Variants in SCFD2 observed in about 807,000 individuals in gnomAD.
The protein encoded by SCFD2 is sec1 family domain containing 2.
In SCFD2, 54 loss-of-function variants were observed where a neutral mutation model predicts 58.9. That is an observed-to-expected ratio of 0.92 (90% CI 0.74 to 1.15). SCFD2 has a LOEUF of 1.15. Among genes scored for constraint, SCFD2 ranks in the 50% most tolerant of loss-of-function variants. The pLI, the probability that SCFD2 is intolerant of heterozygous loss-of-function variation, is 0.00. For missense variants in SCFD2, 805 were observed against 836.6 expected, an observed-to-expected ratio of 0.96 and a Z score of 0.47; for synonymous variants, 321 against 335.9, an observed-to-expected ratio of 0.96 and a Z score of 0.49.
At chr4:53,133,448 A>T (rs903231800) in intron 5 of SCFD2, among the ~76,000 whole-genome samples, 14 of 152,176 alleles carry the variant, frequency 9.2e-5, no homozygotes, top group Non-Finnish European at 1.9e-4. Context: ...GCTTTGTTTG[A>T]AAGACATAAC....
intron 5 of SCFD2, among the ~76,000 whole-genome samples, chr4:53,056,547 A>G (rs1244400768): frequency 6.6e-6 from 1 of 152,010 alleles, no homozygotes; most frequent in Non-Finnish European, 1.5e-5. Context: ...TTTTCCAAGT[A>G]TTGTTCAATC....
At chr4:53,357,380 G>A (rs1284017970) in intron 1 of SCFD2, among the ~76,000 whole-genome samples, 2 of 151,858 alleles carry the variant, frequency 1.3e-5, no homozygotes, top group African/African-American at 4.8e-5. Context: ...AGTGAGCTGA[G>A]ATTGAGCCAC....
At chr4:53,038,694 G>GTT (rs879685463) in intron 5 of SCFD2, among the ~76,000 whole-genome samples, 5 of 140,330 alleles carry the variant, frequency 3.6e-5, no homozygotes, top group Admixed American at 7.2e-5. Flanking sequence ...AAAGTTTTTT[G>GTT]TTTTTTTTTT....
chr4:52,971,540 T>C (rs940215636), intron 5 of SCFD2, among the ~76,000 whole-genome samples: 2 of 152,184 alleles, frequency 1.3e-5, no homozygotes, highest in South Asian at 4.1e-4. Context: ...CTACATCTGA[T>C]TGGTGTACCT....
intron 5 of SCFD2, among the ~76,000 whole-genome samples, chr4:53,127,838 G>C (rs1725673033): frequency 6.6e-6 from 1 of 152,044 alleles, no homozygotes; most frequent in African/African-American, 2.4e-5. Context: ...ATGTGGAGGA[G>C]TGTGTCACTT....
intron 4 of SCFD2, among the ~76,000 whole-genome samples, chr4:53,216,899 A>G (rs908416735): frequency 3.9e-5 from 6 of 152,076 alleles, no homozygotes; most frequent in African/African-American, 1.4e-4. Flanking sequence ...TCATTTCGTT[A>G]TGTACCCAGT....
chr4:53,126,686 T>A (rs1278029005), intron 5 of SCFD2, among the ~76,000 whole-genome samples: 1 of 152,168 alleles, frequency 6.6e-6, no homozygotes, highest in Non-Finnish European at 1.5e-5. Context: ...ACCTTGCAGG[T>A]CCCTCACACG....
At chr4:53,256,927 AG>A (rs1395901850) in intron 4 of SCFD2, among the ~76,000 whole-genome samples, 10 of 15,120 alleles carry the variant, frequency 6.6e-4, no homozygotes, top group Admixed American at 1.6e-3. Flanking sequence ...GGGGAGGGGG[AG>A]GGGGAGGGAG....
chr4:53,360,470 T>C (rs1201830269), intron 1 of SCFD2, among the ~76,000 whole-genome samples: 1 of 152,226 alleles, frequency 6.6e-6, no homozygotes, highest in Non-Finnish European at 1.5e-5. Context: ...TCAAAGCTGA[T>C]TGGTTTCAGA....
intron 2 of SCFD2, among the ~76,000 whole-genome samples, chr4:53,340,110 C>G (rs1037296741): frequency 6.6e-6 from 1 of 152,102 alleles, no homozygotes; most frequent in Non-Finnish European, 1.5e-5. Context: ...GATTGTCAGA[C>G]AGTGGGGGCA....
chr4:53,044,304 A>C (rs1317588898), intron 5 of SCFD2, among the ~76,000 whole-genome samples: 1 of 152,070 alleles, frequency 6.6e-6, no homozygotes, highest in East Asian at 1.9e-4. Flanking sequence ...TCAGATTTAC[A>C]TCACAGCCCA....
chr4:52,892,347 CTT>C (rs1427036191), intron 7 of SCFD2, among the ~76,000 whole-genome samples: 1 of 152,170 alleles, frequency 6.6e-6, no homozygotes, highest in Non-Finnish European at 1.5e-5. Flanking sequence ...CCAGTCTGCT[CTT>C]GTTTCTGTCT....
chr4:53,031,877 C>A (rs1399259569), intron 5 of SCFD2, among the ~76,000 whole-genome samples: 1 of 152,104 alleles, frequency 6.6e-6, no homozygotes, highest in Non-Finnish European at 1.5e-5. Context: ...AGGATATCAT[C>A]CAGGAGAACT....
At chr4:53,220,467 C>A (rs1240734433) in intron 4 of SCFD2, among the ~76,000 whole-genome samples, 8 of 152,238 alleles carry the variant, frequency 5.3e-5, no homozygotes, top group South Asian at 2.1e-4. Flanking sequence ...TAATAGGTAC[C>A]CAATAATTAT....
intron 2 of SCFD2, among the ~76,000 whole-genome samples, chr4:53,318,404 C>T (rs766500201): frequency 2.0e-5 from 3 of 152,146 alleles, no homozygotes. Flanking sequence ...GGTTGTACAA[C>T]TCTTGGGTCA....
intron 4 of SCFD2, among the ~76,000 whole-genome samples, chr4:53,166,714 T>C (rs1438877396): frequency 6.6e-6 from 1 of 151,296 alleles, no homozygotes; most frequent in Non-Finnish European, 1.5e-5. Flanking sequence ...AGCAAAATGG[T>C]ACCCATCCAC....
intron 2 of SCFD2, among the ~76,000 whole-genome samples, chr4:53,331,192 CAG>C (rs1560450949): frequency 6.6e-6 from 1 of 151,606 alleles, no homozygotes; most frequent in African/African-American, 2.4e-5. Context: ...ATCAACGAGA[CAG>C]AAAGTCAACA....
Position 53,207,484 on chromosome 4 carries a change from AT to A in SCFD2, c.1312-61903del, listed in dbSNP as rs1728443867. On this transcript the variant is annotated intron_variant, in intron 4 of 8. Coordinates refer to ENST00000401642, the MANE Select transcript of SCFD2 (RefSeq NM_152540.4). ...GGCTGAGTAGTTTGAAATATATTAT[AT>A]ATATATTTCATATATATATATTATA... is the stretch of plus-strand genomic sequence containing the variant. Among the ~76,000 whole-genome samples, 2 of 11,986 alleles carry A rather than the reference AT, an allele frequency of 1.7e-4. 1 individual carries two copies. The highest frequency in any genetic ancestry group is 4.5e-3 in the East Asian group (2 of 446). 7.9% of individuals were successfully genotyped at this position (11,986 alleles called of 152,430 possible). A position where few individuals can be genotyped will look rare whatever the true frequency, so the allele number is the denominator to read the frequency against.
chr4:53,141,625 A>G (rs1284763610), intron 5 of SCFD2, among the ~76,000 whole-genome samples: 2 of 140,394 alleles, frequency 1.4e-5, no homozygotes, highest in African/African-American at 5.4e-5. Context: ...GTGATAATGT[A>G]CATTTGTGGA....
Sources: gnomAD v4.1 joint callset for allele counts (sites outside exome capture counted in the v4.1 genomes callset) on GRCh38, gnomAD v4.1.1 for gene constraint, MANE v1.5 for transcripts, NCBI Gene and HGNC (gene_info 2026-07-23, HGNC 2026-07-21) for gene names.